CFAP77: variants seen among roughly 807,000 people sequenced by gnomAD.
CFAP77 encodes the protein cilia and flagella associated protein 77, also known as cilia- and flagella-associated protein 77.
CFAP77 carries 25 observed loss-of-function variants against 31.1 expected under a neutral mutation model. That is an observed-to-expected ratio of 0.80 (90% confidence interval 0.59 to 1.12). The LOEUF (loss-of-function observed/expected upper bound fraction) is 1.12. CFAP77 is among the 50% of genes most tolerant of loss of function. CFAP77 has a pLI of 0.00. For synonymous variants in CFAP77, 151 were observed against 159.9 expected (o/e 0.94, Z 0.42); for missense variants, 377 against 397.3 (o/e 0.95, Z 0.44).
In CFAP77 at chr9:132,415,440, A is replaced by C. The variant is rs147269587; in HGVS notation, c.195+4974A>C. ...CACCGGCTCGTCACCACCCTGGGGC[A>C]GCCACTGCCCTGCCGGAGGAGCCTG... On this transcript the variant is annotated intron_variant, in intron 1 of 5. Transcript: ENST00000393216. Among the ~76,000 whole-genome samples, 528 of 152,310 alleles carry C rather than the reference A, an allele frequency of 3.5e-3. 4 individuals carry two copies. Among genetic ancestry groups the C allele is most frequent in the African/African-American group, 0.012 (502 of 41,562 alleles).
At chr9:132,442,170 C>G (rs990553153) in intron 1 of CFAP77, among the ~76,000 whole-genome samples, 1 of 152,142 alleles carries the variant, frequency 6.6e-6, no homozygotes, top group Non-Finnish European at 1.5e-5. Flanking sequence ...CAAGGAATTG[C>G]AGTGGGGATG....
intron 1 of CFAP77, among the ~76,000 whole-genome samples, chr9:132,468,960 A>G (rs56246462): frequency 0.061 from 9,320 of 152,210 alleles, 336 homozygotes; most frequent in Middle Eastern, 0.1. Flanking sequence ...CTGGAAAATG[A>G]TCTGGGGAAA....
Position 132,530,590 on chromosome 9 carries a change from G to A in CFAP77, c.525-7011G>A, listed in dbSNP as rs565976455. Among the ~76,000 whole-genome samples the A allele has an allele frequency of 6.6e-5, 10 of 152,136 alleles. No homozygotes were observed. In the East Asian group the frequency reaches 1.7e-3, roughly 26 times the overall value. On this transcript the variant is annotated intron_variant, in intron 3 of 5. Coordinates refer to ENST00000393216, the MANE Select transcript of CFAP77 (RefSeq NM_001282957.2). The stretch of plus-strand genomic sequence containing the variant: ...ATGCCTGGCCATCAGTTTTCTAATG[G>A]GATTGTTTGGGGGTTTTTTGGTTTT...
chr9:132,486,900 G>A (rs769810958), intron 1 of CFAP77, among the ~76,000 whole-genome samples: 7 of 152,278 alleles, frequency 4.6e-5, no homozygotes, highest in Non-Finnish European at 8.8e-5. Context: ...CACGGCAAGG[G>A]CCATACATCA....
intron 3 of CFAP77, among the ~76,000 whole-genome samples, chr9:132,515,835 C>T (rs1320171569): frequency 6.6e-6 from 1 of 151,770 alleles, no homozygotes; most frequent in Non-Finnish European, 1.5e-5. Context: ...CTCCGTTTCT[C>T]CGTCGGTCAG....
intron 1 of CFAP77, among the ~76,000 whole-genome samples, chr9:132,451,738 C>A (rs1263651864): frequency 1.3e-5 from 2 of 152,048 alleles, no homozygotes; most frequent in South Asian, 2.1e-4. Flanking sequence ...CATCTCTCCA[C>A]CAGCCCTCAC....
chr9:132,444,587 C>T (rs968475029), intron 1 of CFAP77, among the ~76,000 whole-genome samples: 4 of 152,136 alleles, frequency 2.6e-5, no homozygotes, highest in African/African-American at 9.7e-5. Flanking sequence ...TGACCTGAGT[C>T]CTTCCGGCAG....
At chr9:132,518,234 G>C (rs867829503) in intron 3 of CFAP77, among the ~76,000 whole-genome samples, 1 of 152,076 alleles carries the variant, frequency 6.6e-6, no homozygotes, top group East Asian at 1.9e-4. Flanking sequence ...TGGAAGTCAG[G>C]ACAAATCGGA....
At position 132,502,277 on chromosome 9, in the gene CFAP77, T is replaced by TTG. The variant is rs1554744820; in HGVS notation, c.524+2677_524+2678insTG. ...TATATATATATATATTTTTTTTTTT[T>TTG]GGGGGAGGGGGGTGGTAGTTCCTTC... On this transcript the variant is annotated intron_variant, in intron 3 of 5. Transcript: ENST00000393216. Among the ~76,000 whole-genome samples, 62 of 123,502 alleles carry TTG rather than the reference T, an allele frequency of 5.0e-4. 1 individual carries two copies. The East Asian group carries it at 6.2e-3, about 12-fold the overall frequency. 81.0% of individuals were successfully genotyped at this position (123,502 alleles called of 152,430 possible). A position where few individuals can be genotyped will look rare whatever the true frequency, so the allele number is the denominator to read the frequency against.
chr9:132,503,008 G>A (rs1172541961), intron 3 of CFAP77, among the ~76,000 whole-genome samples: 3 of 152,136 alleles, frequency 2.0e-5, no homozygotes, highest in Admixed American at 6.5e-5. Context: ...GCTCAGCATC[G>A]CCTCTTTGGT....
At chr9:132,548,040 G>A (rs558173569) in intron 5 of CFAP77, among the ~76,000 whole-genome samples, 2 of 152,322 alleles carry the variant, frequency 1.3e-5, no homozygotes, top group Admixed American at 6.5e-5. Flanking sequence ...TGACAATGGC[G>A]AAAGACTGGA....
intron 5 of CFAP77, among the ~76,000 whole-genome samples, chr9:132,568,338 T>G (rs1025399112): frequency 1.3e-5 from 2 of 152,132 alleles, no homozygotes; most frequent in Non-Finnish European, 2.9e-5. Flanking sequence ...GTGGATCACC[T>G]GAGGTCAAGA....
At chr9:132,484,267 A>G (rs1851500422) in intron 1 of CFAP77, among the ~76,000 whole-genome samples, 1 of 152,248 alleles carries the variant, frequency 6.6e-6, no homozygotes, top group East Asian at 1.9e-4. Flanking sequence ...AGATTCACAT[A>G]AAATCAACCA....
intron 1 of CFAP77, among the ~76,000 whole-genome samples, chr9:132,488,843 C>T (rs958091298): frequency 1.3e-5 from 2 of 152,116 alleles, no homozygotes; most frequent in African/African-American, 4.8e-5. Context: ...AATCCCAGGA[C>T]CCCCTGGGAC....
intron 1 of CFAP77, among the ~76,000 whole-genome samples, chr9:132,471,106 T>C (rs922290860): frequency 6.6e-6 from 1 of 152,242 alleles, no homozygotes; most frequent in East Asian, 1.9e-4. Flanking sequence ...TGTGTCCCAC[T>C]GCCTGATGGG....
At chr9:132,524,376 G>A (rs561145235) in intron 3 of CFAP77, among the ~76,000 whole-genome samples, 276 of 151,780 alleles carry the variant, frequency 1.8e-3, no homozygotes, top group Middle Eastern at 0.01. Flanking sequence ...CAAGGCGGGC[G>A]GATCACTTGA....
At chr9:132,463,243 C>T (rs902108532) in intron 1 of CFAP77, among the ~76,000 whole-genome samples, 2 of 152,170 alleles carry the variant, frequency 1.3e-5, no homozygotes, top group African/African-American at 4.8e-5. Flanking sequence ...TACCCTTTGG[C>T]CCAGAAACTC....
chr9:132,486,092 T>TTTATTTTATTTTA lies in CFAP77; in HGVS notation c.196-12601_196-12600insATTTTATTTTATT, dbSNP rs1851551712. On this transcript the variant is annotated intron_variant, in intron 1 of 5. Coordinates refer to ENST00000393216, the MANE Select transcript of CFAP77 (RefSeq NM_001282957.2). ...TATATATATATATATATATATATAT[T>TTTATTTTATTTTA]TTTTTTTTTTTTTTTTTTGAGACGG... Among the ~76,000 whole-genome samples, 4 of 50,800 alleles carry TTTATTTTATTTTA rather than the reference T, an allele frequency of 7.9e-5. 1 individual carries two copies. Among genetic ancestry groups the TTTATTTTATTTTA allele is most frequent in the African/African-American group, 4.8e-4 (4 of 8,392 alleles). The allele number at this position is 50,800 out of a possible 152,430, so 33.3% of individuals were successfully genotyped here.
intron 1 of CFAP77, among the ~76,000 whole-genome samples, chr9:132,436,266 C>G (rs1022834386): frequency 1.3e-5 from 2 of 152,058 alleles, no homozygotes; most frequent in African/African-American, 4.8e-5. Flanking sequence ...GACTTGTGGC[C>G]GCATCACTCT....
Sources: allele counts gnomAD v4.1 joint callset (sites outside exome capture counted in the v4.1 genomes callset), GRCh38; gene constraint gnomAD v4.1.1; transcripts MANE v1.5; gene names NCBI Gene and HGNC (gene_info 2026-07-23, HGNC 2026-07-21).